CCDC171: variants seen among roughly 807,000 people sequenced by gnomAD.
CCDC171 encodes coiled-coil domain-containing protein 171.
Under a neutral mutation model 168.2 loss-of-function variants are expected in CCDC171, and 177 were observed. The observed-to-expected ratio is 1.05, with a 90% CI of 0.93 to 1.19. CCDC171 has a LOEUF of 1.19. CCDC171 is among the 50% of genes most tolerant of loss of function. The pLI, the probability that CCDC171 is intolerant of heterozygous loss-of-function variation, is 0.00. For synonymous variants in CCDC171, 687 were observed against 540.8 expected, an observed-to-expected ratio of 1.27 and a Z score of -3.75; for missense variants, 1,991 against 1,539.0, an observed-to-expected ratio of 1.29 and a Z score of -4.91.
At chr9:16,064,409 G>A (rs1439984901), downstream of CCDC171, among the ~76,000 whole-genome samples, 1 of 152,078 alleles carries the variant, frequency 6.6e-6, no homozygotes, top group Non-Finnish European at 1.5e-5. Context: ...GTGGGGAGAG[G>A]GTGAGGGAGG....
At chr9:15,591,240 T>C in intron 4 of CCDC171, 126 bp from the exon 5 acceptor site, 1 of 591,862 alleles carries the variant, frequency 1.7e-6, no homozygotes. Flanking sequence ...TTTACTGTAA[T>C]GGAAAGGTTA....
rs941052176 is a variant in CCDC171 at position 15,802,250 on chromosome 9, A to T, written c.3267+17556A>T. ...TAAATTTATTTGTAAAATTTAATTA[A>T]TTATTTTCAACTTTTAAGTTTAGGG... On this transcript the variant is annotated intron_variant, in intron 21 of 25. Transcript: ENST00000380701. 7.3e-4 allele frequency among the ~76,000 whole-genome samples: 111 copies of T among 151,844 alleles called. 1 individual carries two copies. The highest frequency in any genetic ancestry group is 2.5e-3 in the African/African-American group (102 of 41,352).
chr9:15,590,785 C>CTTTT (rs34215174), intron 4 of CCDC171, among the ~76,000 whole-genome samples: 1 of 61,320 alleles, frequency 1.6e-5, no homozygotes, highest in Non-Finnish European at 4.0e-5. Context: ...TTCTTTCTTT[C>CTTTT]TTTCTTTCTT....
intron 21 of CCDC171, among the ~76,000 whole-genome samples, chr9:15,813,108 G>C (rs527821594): frequency 6.6e-6 from 1 of 152,314 alleles, no homozygotes; most frequent in East Asian, 1.9e-4. Context: ...CTGGCTAACT[G>C]TTCTTCAAGC....
chr9:15,558,214 T>A (rs1321879580), intron 1 of CCDC171, among the ~76,000 whole-genome samples: 1 of 152,140 alleles, frequency 6.6e-6, no homozygotes, highest in Non-Finnish European at 1.5e-5. Context: ...TTGTTGTGTC[T>A]CTGCCAGGCT....
At chr9:15,584,865 A>T (rs1211371693) in intron 4 of CCDC171, among the ~76,000 whole-genome samples, 1 of 152,216 alleles carries the variant, frequency 6.6e-6, no homozygotes, top group Non-Finnish European at 1.5e-5. Context: ...ATGAAAGTTC[A>T]TGACTTTCAT....
rs143458915 is a variant in CCDC171, at chr9:15,871,967, C to T, written c.3469-2565C>T. ...TACAAGACTTTTCTAAAAACTTTTCCTAGAAATATTTGAGAACATTTTAGA... is the reference window on the plus strand; with the variant it reads ...TACAAGACTTTTCTAAAAACTTTTCTTAGAAATATTTGAGAACATTTTAGA... On this transcript the variant is annotated intron_variant, in intron 23 of 25. Coordinates refer to ENST00000380701, the MANE Select transcript of CCDC171 (RefSeq NM_173550.4). 1.8e-3 allele frequency among the ~76,000 whole-genome samples: 270 copies of T among 151,864 alleles called. 2 individuals carry two copies. Among genetic ancestry groups the T allele is most frequent in the African/African-American group, 6.1e-3 (253 of 41,458 alleles).
chr9:15,627,341 T>A (rs201238674), intron 7 of CCDC171, among the ~76,000 whole-genome samples: 1 of 152,092 alleles, frequency 6.6e-6, no homozygotes, highest in Admixed American at 6.6e-5. Context: ...GTTCTTAATT[T>A]TTTCTTGCCT....
At chr9:15,967,616 C>A (rs1251230673) in intron 25 of CCDC171, among the ~76,000 whole-genome samples, 1 of 152,158 alleles carries the variant, frequency 6.6e-6, no homozygotes, top group Admixed American at 6.5e-5. Context: ...AATTTCAAAG[C>A]TGGAAAGAGT....
At chr9:15,692,367 C>CA (rs34322493) in intron 10 of CCDC171, among the ~76,000 whole-genome samples, 7 of 147,412 alleles carry the variant, frequency 4.7e-5, no homozygotes, top group Admixed American at 2.7e-4. Flanking sequence ...TCTGTCTCTT[C>CA]AAAAAAAAAA....
At chr9:15,744,102 G>A (rs2055085939) in intron 16 of CCDC171, among the ~76,000 whole-genome samples, 171 bp from the exon 17 acceptor site, 1 of 152,142 alleles carries the variant, frequency 6.6e-6, no homozygotes. Context: ...TAAGCTGTTT[G>A]GCTCACTGTT....
the CCDC171 span, among the ~76,000 whole-genome samples, chr9:16,103,415 AG>A: frequency 6.6e-6 from 1 of 152,156 alleles, no homozygotes; most frequent in Non-Finnish European, 1.5e-5. Context: ...GCCATCTGTA[AG>A]GGGGAAGACA....
chr9:15,971,904 C>T lies in CCDC171; in HGVS notation c.*68C>T. On this transcript the variant is annotated 3_prime_UTR_variant, in exon 26 of 26. Transcript: ENST00000380701. ...TAAAATTGTTTTGAATGGGAATTTT[C>T]TTATCAGTTGACTTTTGTTTCAGCA... The T allele has an allele frequency of 3.0e-6, 4 of 1,352,698 alleles. No homozygotes were observed. The highest frequency in any genetic ancestry group is 2.1e-6 in the Non-Finnish European group (2 of 956,992). 83.8% of individuals were successfully genotyped at this position (1,352,698 alleles called of 1,614,324 possible). A position where few individuals can be genotyped will look rare whatever the true frequency, so the allele number is the denominator to read the frequency against.
chr9:16,077,702 GA>G, the CCDC171 span, among the ~76,000 whole-genome samples: 1 of 152,024 alleles, frequency 6.6e-6, no homozygotes, highest in Non-Finnish European at 1.5e-5. Flanking sequence ...TGTAAGAGGG[GA>G]AAAAAAGCCT....
At chr9:15,645,711 G>C (rs1336957286) in intron 7 of CCDC171, among the ~76,000 whole-genome samples, 1 of 152,150 alleles carries the variant, frequency 6.6e-6, no homozygotes, top group Non-Finnish European at 1.5e-5. Flanking sequence ...AGAGTAAAAA[G>C]AAACGAACGG....
intron 6 of CCDC171, among the ~76,000 whole-genome samples, chr9:16,031,541 A>G (rs1269809678): frequency 6.6e-6 from 1 of 152,180 alleles, no homozygotes; most frequent in African/African-American, 2.4e-5. Flanking sequence ...ATTTCTCTCT[A>G]AAAAACCAAG....
chr9:15,984,825 A>G (rs1002568907), intron 3 of CCDC171, among the ~76,000 whole-genome samples: 6 of 152,172 alleles, frequency 3.9e-5, no homozygotes, highest in South Asian at 4.1e-4. Flanking sequence ...AAATGGGTCA[A>G]TTCTTCTCAA....
intron 3 of CCDC171, among the ~76,000 whole-genome samples, chr9:15,995,558 G>T (rs531181243): frequency 6.6e-6 from 1 of 152,284 alleles, no homozygotes; most frequent in East Asian, 1.9e-4. Context: ...TTCTGTAGGA[G>T]CTGTCATCAG....
At chr9:15,702,025 G>T (rs952090114) in intron 11 of CCDC171, among the ~76,000 whole-genome samples, 6 of 152,094 alleles carry the variant, frequency 3.9e-5, no homozygotes, top group Non-Finnish European at 5.9e-5. Context: ...TTGATCCATG[G>T]GCTACAGAAT....
Sources: gnomAD v4.1 joint callset for allele counts (sites outside exome capture counted in the v4.1 genomes callset) on GRCh38, gnomAD v4.1.1 for gene constraint, MANE v1.5 for transcripts, NCBI Gene and HGNC (gene_info 2026-07-23, HGNC 2026-07-21) for gene names.